The following ADAM12 variants were observed in gnomAD, a reference collection of about 807,000 sequenced individuals.
ADAM12 encodes ADAM metallopeptidase domain 12, also known as disintegrin and metalloproteinase domain-containing protein 12.
Under a neutral mutation model 106.4 loss-of-function variants are expected in ADAM12, and 70 were observed. That is an observed-to-expected ratio of 0.66 (90% confidence interval 0.54 to 0.80). The LOEUF is 0.80. Ranked by LOEUF, ADAM12 falls within the 30% of genes least tolerant of loss-of-function variation. The pLI is 0.00. For missense variants in ADAM12, 1,010 were observed against 1,171.9 expected, an observed-to-expected ratio of 0.86 and a Z score of 2.02; for synonymous variants, 420 against 433.5, an observed-to-expected ratio of 0.97 and a Z score of 0.39.
chr10:126,167,589 T>G (rs1252493677), intron 3 of ADAM12, among the ~76,000 whole-genome samples: 1 of 152,238 alleles, frequency 6.6e-6, no homozygotes, highest in East Asian at 1.9e-4. Context: ...CAGTTCATAC[T>G]ATTCCATGCG....
intron 3 of ADAM12, among the ~76,000 whole-genome samples, chr10:126,191,296 T>C (rs956546269): frequency 7.9e-5 from 12 of 152,000 alleles, no homozygotes; most frequent in African/African-American, 2.4e-4. Flanking sequence ...GCCCAGTCTA[T>C]GAGGAGCCTT....
At position 126,038,952 on chromosome 10, in the gene ADAM12, CTTTTTTTTTTTTTT is replaced by C. The variant is rs34277276; in HGVS notation, c.2240+328_2240+341del. Among the ~76,000 whole-genome samples the C allele has an allele frequency of 3.9e-4, 28 of 71,558 alleles. 1 individual carries two copies. Among genetic ancestry groups the C allele is most frequent in the African/African-American group, 1.4e-3 (27 of 18,702 alleles). The allele number at this position is 71,558 out of a possible 152,430, so 46.9% of individuals were successfully genotyped here. A position where few individuals can be genotyped will look rare whatever the true frequency, so the allele number is the denominator to read the frequency against. ...CTGTACATTTTCTGAGACACCATTT[CTTTTTTTTTTTTTT>C]TTTTTTTTTTTGAGATGGAGTCTTG... is the stretch of plus-strand genomic sequence containing the variant. On this transcript the variant is annotated intron_variant, in intron 19 of 22. Transcript: ENST00000448723.
chr10:126,347,815 A>G (rs1010546083), intron 1 of ADAM12, among the ~76,000 whole-genome samples: 5 of 152,220 alleles, frequency 3.3e-5, no homozygotes, highest in African/African-American at 7.2e-5. Context: ...AGAATATTAA[A>G]CAGGTTTATT....
rs34372886 is a variant in ADAM12 at position 126,113,728 on chromosome 10, AT to A, written c.604-3889del. Among the ~76,000 whole-genome samples the A allele has an allele frequency of 8.3e-3, 301 of 36,370 alleles. 21 individuals are homozygous for A. Among genetic ancestry groups the A allele is most frequent in the African/African-American group, 0.032 (257 of 7,964 alleles). 23.9% of individuals were successfully genotyped at this position (36,370 alleles called of 152,430 possible). On this transcript the variant is annotated intron_variant, in intron 6 of 22. Transcript: ENST00000448723. Reference sequence around the variant, plus strand: ...TATATATATATATATATATATATATATATAATATATTGCTCTGGCTACTGGA... The same window carrying A: ...TATATATATATATATATATATATATAATAATATATTGCTCTGGCTACTGGA...
At position 126,049,467 on chromosome 10, in the gene ADAM12, C is replaced by G. The variant is rs1379337751; in HGVS notation, c.1719-16G>C. 6.2e-7 allele frequency: 1 copy of G among 1,614,026 alleles called. No homozygotes were observed. The highest frequency in any genetic ancestry group is 1.3e-5 in the African/African-American group (1 of 74,924). On this transcript the variant is annotated splice_polypyrimidine_tract_variant and intron_variant, in intron 15 of 22. Transcript: ENST00000448723. This position sits in a 1 kb window ranked among gnomAD's most constrained non-coding sequence, Gnocchi z 4.4. ...TTTAGCATCTCTGGAAGGGTAAGAA[C>G]AAACAATTCCCAAGGAGAAACCATT...
At chr10:126,086,705 AT>A (rs1165868769) in intron 11 of ADAM12, among the ~76,000 whole-genome samples, 26 of 74,834 alleles carry the variant, frequency 3.5e-4, no homozygotes, top group African/African-American at 7.5e-4. Context: ...ATATATATAT[AT>A]AAAATAAAAT....
chr10:126,158,414 GA>G (rs1956862329), intron 3 of ADAM12, among the ~76,000 whole-genome samples: 1 of 132,850 alleles, frequency 7.5e-6, no homozygotes, highest in African/African-American at 2.8e-5. Context: ...AGAGCACGGA[GA>G]GAGGATGCAC....
intron 3 of ADAM12, among the ~76,000 whole-genome samples, chr10:126,258,742 G>A (rs2133703566): frequency 6.6e-6 from 1 of 152,234 alleles, no homozygotes; most frequent in Admixed American, 6.5e-5. Context: ...CCTCCTCTCT[G>A]CACCTGGCTG....
At chr10:126,124,545 G>C (rs949455172) in intron 5 of ADAM12, among the ~76,000 whole-genome samples, 1 of 152,006 alleles carries the variant, frequency 6.6e-6, no homozygotes, top group Non-Finnish European at 1.5e-5. Flanking sequence ...CCAGGGTGTG[G>C]GAGCACGACA....
At chr10:126,158,335 G>A (rs1349443082) in intron 3 of ADAM12, among the ~76,000 whole-genome samples, 1 of 150,656 alleles carries the variant, frequency 6.6e-6, no homozygotes, top group Non-Finnish European at 1.5e-5. Flanking sequence ...GCATGGAGGG[G>A]AGGATGCACA....
chr10:126,298,984 C>A (rs1960497932), intron 2 of ADAM12, among the ~76,000 whole-genome samples: 1 of 152,136 alleles, frequency 6.6e-6, no homozygotes, highest in Non-Finnish European at 1.5e-5. Context: ...TCAGCAGCCG[C>A]AGATTGCATT....
At chr10:126,251,759 GGATGGGAT>G (rs1458299950) in intron 3 of ADAM12, among the ~76,000 whole-genome samples, 2 of 152,324 alleles carry the variant, frequency 1.3e-5, no homozygotes, top group South Asian at 2.1e-4. Context: ...TTGGATGGAT[GGATGGGAT>G]GATGGGATGA....
At chr10:126,051,563 A>C (rs1422069388) in intron 14 of ADAM12, among the ~76,000 whole-genome samples, 2 of 139,182 alleles carry the variant, frequency 1.4e-5, no homozygotes, top group Admixed American at 7.2e-5. Flanking sequence ...CCATCCATCC[A>C]TCCATCCATC....
At chr10:126,141,850 C>T (rs1482356492) in intron 4 of ADAM12, among the ~76,000 whole-genome samples, 1 of 152,210 alleles carries the variant, frequency 6.6e-6, no homozygotes, top group African/African-American at 2.4e-5. Flanking sequence ...TTCCCAGACT[C>T]CTTGCCCTAT....
chr10:126,383,804 A>G (rs1049046062), intron 1 of ADAM12, among the ~76,000 whole-genome samples: 3 of 152,202 alleles, frequency 2.0e-5, no homozygotes, highest in African/African-American at 7.2e-5. Flanking sequence ...TATATTTTAT[A>G]CAAGGTATGC....
intron 3 of ADAM12, among the ~76,000 whole-genome samples, chr10:126,278,113 T>C (rs1247499588): frequency 6.6e-6 from 1 of 152,178 alleles, no homozygotes; most frequent in Non-Finnish European, 1.5e-5. Flanking sequence ...CCAGTACTTT[T>C]GGAAGAGAGA....
At chr10:126,319,295 G>A (rs1402684690) in intron 2 of ADAM12, among the ~76,000 whole-genome samples, 2 of 152,144 alleles carry the variant, frequency 1.3e-5, no homozygotes, top group East Asian at 1.9e-4. Flanking sequence ...CACAGCATGG[G>A]AAGGGGGAAA....
intron 1 of ADAM12, among the ~76,000 whole-genome samples, chr10:126,375,799 G>A (rs773479393): frequency 2.0e-5 from 3 of 150,318 alleles, no homozygotes; most frequent in Admixed American, 6.6e-5. Flanking sequence ...TGTCTCCCAG[G>A]CTGGAGTGCA....
chr10:126,035,568 T>G (rs1308545583), intron 21 of ADAM12, among the ~76,000 whole-genome samples: 1 of 152,206 alleles, frequency 6.6e-6, no homozygotes, highest in Non-Finnish European at 1.5e-5. Flanking sequence ...TATCTCCTAC[T>G]TATTTGCTTG....
Sources: allele counts gnomAD v4.1 joint callset (sites outside exome capture counted in the v4.1 genomes callset), GRCh38; gene constraint gnomAD v4.1.1; non-coding constraint Gnocchi (gnomAD v3.1); transcripts MANE v1.5; gene names NCBI Gene and HGNC (gene_info 2026-07-23, HGNC 2026-07-21).